Variants in CERT1 observed in about 807,000 individuals in gnomAD.
CERT1 encodes the protein ceramide transfer protein.
Under a neutral mutation model 87.9 loss-of-function variants are expected in CERT1, and 31 were observed. The ratio of observed to expected loss-of-function variants is 0.35; its 90% CI spans 0.27 to 0.48. The LOEUF (loss-of-function observed/expected upper bound fraction) is 0.48, where lower values mean the gene tolerates loss of function less well. Ranked by LOEUF, CERT1 falls within the 20% of genes least tolerant of loss-of-function variation. CERT1 has a pLI of 0.99. For missense variants in CERT1, 487 were observed against 758.0 expected (o/e 0.64, Z 4.20); for synonymous variants, 289 against 250.9 (o/e 1.15, Z -1.44).
chr5:75,396,361 TA>T, intron 11 of CERT1, among the ~76,000 whole-genome samples: 1 of 152,316 alleles, frequency 6.6e-6, no homozygotes, highest in South Asian at 2.1e-4. Flanking sequence ...ATTATGAAGA[TA>T]TTATAAAACA....
intron 3 of CERT1, among the ~76,000 whole-genome samples, chr5:75,451,623 G>A (rs1412265717): frequency 6.6e-6 from 1 of 152,130 alleles, no homozygotes. Flanking sequence ...AATTTATAAG[G>A]CAGATAAGTA....
intron 2 of CERT1, among the ~76,000 whole-genome samples, chr5:75,491,999 G>T (rs1415035362): frequency 1.1e-4 from 17 of 152,030 alleles, no homozygotes; most frequent in Non-Finnish European, 1.5e-5. Context: ...ACATAAAATA[G>T]CCAGCACAAC....
chr5:75,440,735 A>G (rs186367506), intron 3 of CERT1, among the ~76,000 whole-genome samples: 213 of 151,650 alleles, frequency 1.4e-3, no homozygotes, highest in African/African-American at 5.1e-3. Context: ...TATACTAGAG[A>G]GGAAGAAGAG....
intron 2 of CERT1, among the ~76,000 whole-genome samples, chr5:75,479,652 G>T (rs1766134037): frequency 6.6e-6 from 1 of 152,110 alleles, no homozygotes; most frequent in Admixed American, 6.5e-5. Context: ...GTATTCCATG[G>T]TGTCTATGTA....
chr5:75,430,033 AAAAG>A (rs1318809266), intron 3 of CERT1, among the ~76,000 whole-genome samples: 3 of 152,126 alleles, frequency 2.0e-5, no homozygotes, highest in Non-Finnish European at 2.9e-5. Flanking sequence ...ATGGAAAAAA[AAAAG>A]AAAGAGGATG....
intron 2 of CERT1, among the ~76,000 whole-genome samples, chr5:75,504,772 C>T (rs555857184): frequency 3.7e-4 from 54 of 144,986 alleles, no homozygotes; most frequent in African/African-American, 8.7e-4. Context: ...TTTTTTTTGG[C>T]CCATGGCATG....
At chr5:75,432,528 C>A (rs538324073) in intron 3 of CERT1, among the ~76,000 whole-genome samples, 36 of 152,306 alleles carry the variant, frequency 2.4e-4, no homozygotes, top group African/African-American at 6.3e-4. Context: ...AGTGTCTGTT[C>A]ATGTCCTTTG....
chr5:75,407,298 T>C (rs1762744752), intron 8 of CERT1, among the ~76,000 whole-genome samples: 1 of 151,810 alleles, frequency 6.6e-6, no homozygotes. Flanking sequence ...AAGAGACCAT[T>C]GGAAAATAAA....
chr5:75,408,351 T>C (rs906859387), intron 8 of CERT1, among the ~76,000 whole-genome samples: 10 of 152,208 alleles, frequency 6.6e-5, no homozygotes, highest in Admixed American at 2.6e-4. Context: ...TTAGAAGGTA[T>C]ATAAGCTCTG....
intron 6 of CERT1, among the ~76,000 whole-genome samples, chr5:75,418,666 G>A (rs1176225084): frequency 6.6e-6 from 1 of 152,044 alleles, no homozygotes; most frequent in Non-Finnish European, 1.5e-5. Context: ...GAGAAGAACT[G>A]AACTACTGAT....
chr5:75,485,312 CAAAAAAAAAAA>C (rs757349878), intron 2 of CERT1, among the ~76,000 whole-genome samples: 7 of 46,448 alleles, frequency 1.5e-4, no homozygotes, highest in South Asian at 2.5e-3. Flanking sequence ...CACAAAAATA[CAAAAAAAAAAA>C]AAAAAAAAAA....
chr5:75,496,961 A>C (rs1053150865), intron 2 of CERT1, among the ~76,000 whole-genome samples: 1 of 152,210 alleles, frequency 6.6e-6, no homozygotes, highest in African/African-American at 2.4e-5. Flanking sequence ...TGATTTTTTA[A>C]AAGGCACAAC....
chr5:75,456,295 A>G, intron 3 of CERT1, among the ~76,000 whole-genome samples: 1 of 152,138 alleles, frequency 6.6e-6, no homozygotes, highest in Non-Finnish European at 1.5e-5. Flanking sequence ...TACATCACAT[A>G]TTTTACTTTA....
intron 7 of CERT1, among the ~76,000 whole-genome samples, 200 bp from the exon 8 acceptor site, chr5:75,411,303 TTATGTATG>T (rs58579870): frequency 2.6e-5 from 4 of 151,930 alleles, no homozygotes; most frequent in South Asian, 2.1e-4. Context: ...AACCTACTAT[TTATGTATG>T]TATGTATGTA....
At chr5:75,402,773 C>T (rs916541566) in intron 9 of CERT1, 199 bp downstream of exon 9, 1 of 375,432 alleles carries the variant, frequency 2.7e-6, no homozygotes, top group Non-Finnish European at 4.9e-6. Context: ...GCATTCTAGC[C>T]TGGGCAACAG....
chr5:75,445,563 G>C (rs1354967268), intron 3 of CERT1, among the ~76,000 whole-genome samples: 1 of 152,150 alleles, frequency 6.6e-6, no homozygotes, highest in Non-Finnish European at 1.5e-5. Flanking sequence ...GGGCTCAAGT[G>C]ACTCTCCTGC....
chr5:75,396,581 T>G (rs989313266), intron 11 of CERT1, among the ~76,000 whole-genome samples: 20 of 151,774 alleles, frequency 1.3e-4, no homozygotes, highest in East Asian at 5.8e-4. Flanking sequence ...GAAAAAAAAT[T>G]AGCTGGGTGT....
chr5:75,414,304 T>C (rs1484140525), intron 7 of CERT1, among the ~76,000 whole-genome samples: 2 of 152,174 alleles, frequency 1.3e-5, no homozygotes, highest in Admixed American at 6.5e-5. Flanking sequence ...AGAAAAGTTA[T>C]ATATCTTGAT....
At chr5:75,383,272 T>C (rs1373149929) in intron 14 of CERT1, among the ~76,000 whole-genome samples, 4 of 152,130 alleles carry the variant, frequency 2.6e-5, no homozygotes, top group African/African-American at 7.2e-5. Flanking sequence ...CAAATAATTA[T>C]AACTGTAACA....
Sources: gnomAD v4.1 joint callset for allele counts (sites outside exome capture counted in the v4.1 genomes callset) on GRCh38, gnomAD v4.1.1 for gene constraint, MANE v1.5 for transcripts, NCBI Gene and HGNC (gene_info 2026-07-23, HGNC 2026-07-21) for gene names.